TMCC1: variants seen among roughly 807,000 people sequenced by gnomAD.
TMCC1 encodes transmembrane and coiled-coil domains protein 1.
A neutral mutation model predicts 52.4 loss-of-function variants in TMCC1; 15 were observed. That is an observed-to-expected ratio of 0.29 (90% CI 0.19 to 0.44). TMCC1 has a LOEUF of 0.44. Ranked by LOEUF, TMCC1 falls within the 20% of genes least tolerant of loss-of-function variation. The pLI is 1.00. For synonymous variants in TMCC1, 279 were observed against 301.9 expected (o/e 0.92, Z 0.79); for missense variants, 503 against 806.0 (o/e 0.62, Z 4.55).
chr3:129,698,503 T>C (rs1022682327), intron 4 of TMCC1, among the ~76,000 whole-genome samples: 8 of 152,218 alleles, frequency 5.3e-5, no homozygotes, highest in Non-Finnish European at 1.5e-5. Context: ...ATAAATCTCT[T>C]TGAGTCCAAT....
chr3:129,670,410 C>T lies in TMCC1; in HGVS notation c.1431G>A (p.Glu477=). Reference sequence around the variant, plus strand: ...GTTCCTTGAGAGTCTCAAAGGATTCCTCTAGTCTGGCCTGGGTTTCCCGGA... The same window carrying T: ...GTTCCTTGAGAGTCTCAAAGGATTCTTCTAGTCTGGCCTGGGTTTCCCGGA... ...QEIRETQARL[E]ESFETLKEHY... Residue 477 remains glutamate (E), a synonymous_variant, in exon 5 of 7, where the codon GAG becomes GAA. Coordinates refer to ENST00000393238, the MANE Select transcript of TMCC1 (RefSeq NM_001017395.5). The T allele has an allele frequency of 6.2e-7, 1 of 1,614,114 alleles. No individual in the cohort carries two copies. Among genetic ancestry groups the T allele is most frequent in the Non-Finnish European group, 8.5e-7 (1 of 1,179,998 alleles).
At position 129,832,411 on chromosome 3, in the gene TMCC1, C is replaced by T. The variant is rs573042344; in HGVS notation, c.-131+363G>A. 8.5e-5 allele frequency among the ~76,000 whole-genome samples: 13 copies of T among 152,234 alleles called. No individual in the cohort carries two copies. The East Asian group carries it at 1.9e-3, about 23-fold the overall frequency. ...AAAGGTGAGGAAGGGGGACAAAAAACGCAGCCACCTACCAGTCAGGCATTT... is the reference window on the plus strand; with the variant it reads ...AAAGGTGAGGAAGGGGGACAAAAAATGCAGCCACCTACCAGTCAGGCATTT... On this transcript the variant is annotated intron_variant, in intron 3 of 6. Transcript: ENST00000393238.
chr3:129,828,300 G>A lies in TMCC1; in HGVS notation c.79C>T (p.Gln27Ter). The A allele has an allele frequency of 6.2e-7, 1 of 1,614,146 alleles. No homozygotes were observed. Among genetic ancestry groups the A allele is most frequent in the Non-Finnish European group, 8.5e-7 (1 of 1,180,024 alleles). Residue 27 changes from glutamine (Q) to a stop codon, truncating the protein, a stop_gained, in exon 4 of 7, where the codon CAG (glutamine) becomes TAG (stop). Coordinates refer to ENST00000393238, the MANE Select transcript of TMCC1 (RefSeq NM_001017395.5). LOFTEE classifies it high-confidence loss of function. This position sits in a 1 kb window ranked among gnomAD's most constrained non-coding sequence, Gnocchi z 4.1. ...GKSQDAEARK[Q>*]TESEQKLSKM... is the part of the protein sequence containing the mutation. The stretch of plus-strand genomic sequence containing the variant: ...GACAATTTTTGTTCTGATTCTGTCT[G>A]CTTTCTGGCCTCTGCATCTTGGGAT...
At chr3:129,673,621 C>T (rs757904112) in intron 4 of TMCC1, among the ~76,000 whole-genome samples, 1 of 152,042 alleles carries the variant, frequency 6.6e-6, no homozygotes, top group Non-Finnish European at 1.5e-5. Flanking sequence ...GAGGCCAAGG[C>T]GGGAGGATCG....
chr3:129,789,860 T>C (rs1473285894), intron 4 of TMCC1, among the ~76,000 whole-genome samples: 2 of 152,156 alleles, frequency 1.3e-5, no homozygotes, highest in African/African-American at 2.4e-5. Flanking sequence ...ATGGCAAGGG[T>C]AGCATTTTTA....
intron 4 of TMCC1, among the ~76,000 whole-genome samples, chr3:129,710,137 G>T (rs1050102281): frequency 2.0e-5 from 3 of 151,416 alleles, no homozygotes; most frequent in Non-Finnish European, 4.4e-5. Flanking sequence ...GGTGGGCTGA[G>T]ATCGCGCCAC....
At chr3:129,733,594 G>A (rs549505570) in intron 4 of TMCC1, among the ~76,000 whole-genome samples, 1 of 152,230 alleles carries the variant, frequency 6.6e-6, no homozygotes, top group African/African-American at 2.4e-5. Context: ...GAACAACGAG[G>A]AAAAATTTGG....
intron 4 of TMCC1, among the ~76,000 whole-genome samples, chr3:129,802,319 A>G: frequency 6.6e-6 from 1 of 152,258 alleles, no homozygotes; most frequent in East Asian, 1.9e-4. Context: ...TTGTACAAAA[A>G]GAAATAAATT....
intron 4 of TMCC1, among the ~76,000 whole-genome samples, chr3:129,681,579 A>C (rs1365110149): frequency 6.6e-6 from 1 of 152,016 alleles, no homozygotes; most frequent in Non-Finnish European, 1.5e-5. Context: ...AAGCTATAAT[A>C]ATCATAAGCC....
At chr3:129,753,977 C>T (rs1028196091) in intron 4 of TMCC1, among the ~76,000 whole-genome samples, 3 of 150,062 alleles carry the variant, frequency 2.0e-5, no homozygotes, top group Admixed American at 6.6e-5. Flanking sequence ...AAACAAAAGA[C>T]CCACTAACAA....
intron 2 of TMCC1, among the ~76,000 whole-genome samples, chr3:129,864,401 A>G (rs962564897): frequency 2.6e-5 from 4 of 152,192 alleles, no homozygotes; most frequent in Admixed American, 6.5e-5. Context: ...ACTTATCCAA[A>G]GTGATAACTG....
In TMCC1 at chr3:129,670,974, G is replaced by A. The variant is rs2087886736; in HGVS notation, c.867C>T (p.Ala289=). 1 of 1,614,050 alleles carries A rather than the reference G, an allele frequency of 6.2e-7. No homozygotes were observed. The highest frequency in any genetic ancestry group is 1.3e-5 in the African/African-American group (1 of 74,916). Residue 289 remains alanine (A), a synonymous_variant, in exon 5 of 7, where the codon GCC becomes GCT. Transcript: ENST00000393238. ...TCTTTTGCAGCTGGAGGATAGTTTG[G>A]GCAGATTTCTGGTTCTTCTTCTCAA... is the stretch of plus-strand genomic sequence containing the variant. The part of the protein sequence containing the change: ...QVFEKKNQKS[A]QTILQLQKKL...
In TMCC1 at chr3:129,828,443, A is replaced by T. The variant is rs2058753374; in HGVS notation, c.-65T>A. The stretch of plus-strand genomic sequence containing the variant: ...TTTTTAAACACACCAAGAGTGTCAA[A>T]TTAGGTAGGCATTTGCTTCAACAGT... On this transcript the variant is annotated 5_prime_UTR_variant, in exon 4 of 7. Transcript: ENST00000393238. The surrounding 1 kb of genome is among the most constrained non-coding windows in gnomAD (Gnocchi z 4.1). The T allele has an allele frequency of 3.4e-6, 5 of 1,488,736 alleles. No homozygotes were observed. The East Asian group carries it at 1.1e-4, about 34-fold the overall frequency. 92.2% of individuals were successfully genotyped at this position (1,488,736 alleles called of 1,614,324 possible).
chr3:129,668,390 A>T (rs1190852485), intron 5 of TMCC1, among the ~76,000 whole-genome samples: 1 of 152,196 alleles, frequency 6.6e-6, no homozygotes, highest in Admixed American at 6.5e-5. Flanking sequence ...TATCACAATA[A>T]TCTTATAAAG....
chr3:129,702,946 G>A (rs1409793530), intron 4 of TMCC1, among the ~76,000 whole-genome samples: 1 of 152,168 alleles, frequency 6.6e-6, no homozygotes, highest in Non-Finnish European at 1.5e-5. Flanking sequence ...AACCCGGGAG[G>A]TTGAGGTTGC....
chr3:129,829,513 G>A (rs1708254), intron 3 of TMCC1, among the ~76,000 whole-genome samples: 1 of 145,210 alleles, frequency 6.9e-6, no homozygotes, highest in South Asian at 2.2e-4. Flanking sequence ...TTTCCTAATA[G>A]AAAGTGTTTA....
chr3:129,800,542 T>C (rs1435452340), intron 4 of TMCC1, among the ~76,000 whole-genome samples: 1 of 152,180 alleles, frequency 6.6e-6, no homozygotes, highest in Non-Finnish European at 1.5e-5. Flanking sequence ...CATCTCATTG[T>C]GGTCTTGTAT....
rs1030992901 is a variant in TMCC1, at chr3:129,691,641, G to A, written c.577-20377C>T. Among the ~76,000 whole-genome samples the A allele has an allele frequency of 3.9e-5, 6 of 152,044 alleles. No homozygotes were observed. In the East Asian group the frequency reaches 9.6e-4, roughly 24 times the overall value. On this transcript the variant is annotated intron_variant, in intron 4 of 6. Coordinates refer to ENST00000393238, the MANE Select transcript of TMCC1 (RefSeq NM_001017395.5). ...ACAAAAATGATAAATAAAATTAGCC[G>A]GGCATGGTGGTACATGCCTGTAGTC... is the stretch of plus-strand genomic sequence containing the variant.
intron 2 of TMCC1, among the ~76,000 whole-genome samples, chr3:129,862,622 A>T: frequency 6.6e-6 from 1 of 152,244 alleles, no homozygotes. Context: ...AATAAATATT[A>T]GATGGAAACA....
Sources: gnomAD v4.1 joint callset for allele counts (sites outside exome capture counted in the v4.1 genomes callset) on GRCh38, gnomAD v4.1.1 for gene constraint, Gnocchi (gnomAD v3.1) non-coding constraint, MANE v1.5 for transcripts, NCBI Gene and HGNC (gene_info 2026-07-23, HGNC 2026-07-21) for gene names.